The following ADGRL3 variants were observed in gnomAD, a reference collection of about 807,000 sequenced individuals.
The protein encoded by ADGRL3 is adhesion G protein-coupled receptor L3.
ADGRL3 carries 62 observed loss-of-function variants against 153.5 expected under a neutral mutation model. The ratio of observed to expected loss-of-function variants is 0.40; its 90% CI spans 0.33 to 0.50. ADGRL3 has a LOEUF of 0.50. Among genes scored for constraint, ADGRL3 ranks in the 20% least tolerant of loss-of-function variants. The pLI, the probability that ADGRL3 is intolerant of heterozygous loss-of-function variation, is 0.47. For missense variants in ADGRL3, 1,641 were observed against 1,859.4 expected, an observed-to-expected ratio of 0.88 and a Z score of 2.16; for synonymous variants, 710 against 672.5, an observed-to-expected ratio of 1.06 and a Z score of -0.86.
Position 62,070,192 on chromosome 4 carries a change from G to T in ADGRL3, c.3916G>T (p.Ala1306Ser). The change falls in exon 27 of 27, where the codon GCC becomes TCC. Residue 1306 changes from alanine (A) to serine (S), a missense_variant. By Grantham distance (99) the Ala-to-Ser change is moderately conservative. Around this residue, in one of 5 missense-constraint regions of ADGRL3, gnomAD observed 517 missense variants for 555.0 expected, o/e 0.93. Coordinates refer to ENST00000683033, the MANE Select transcript of ADGRL3 (RefSeq NM_001387552.1). ...TAACCATGGCAATAGTTACAGCATT[G>T]CCAGCGGCGAATACCTGAGCAACTG... ...NGNHGNSYSI[A>S]SGEYLSNCVQ... 6.2e-7 allele frequency: 1 copy of T among 1,613,932 alleles called. No homozygotes were observed. The highest frequency in any genetic ancestry group is 8.5e-7 in the Non-Finnish European group (1 of 1,179,960).
intron 5 of ADGRL3, among the ~76,000 whole-genome samples, chr4:61,606,248 G>A (rs1188995382): frequency 6.6e-6 from 1 of 152,184 alleles, no homozygotes; most frequent in African/African-American, 2.4e-5. Context: ...AAGTTAAAGT[G>A]TAAATCAGAG....
chr4:61,395,797 A>G (rs1177956369), intron 2 of ADGRL3, among the ~76,000 whole-genome samples: 3 of 151,998 alleles, frequency 2.0e-5, no homozygotes, highest in Non-Finnish European at 4.4e-5. Flanking sequence ...ACTGGCATGG[A>G]CTTCAATAAA....
intron 1 of ADGRL3, among the ~76,000 whole-genome samples, chr4:61,285,994 C>T (rs1008306610): frequency 1.7e-4 from 26 of 151,392 alleles, no homozygotes; most frequent in Non-Finnish European, 3.4e-4. Flanking sequence ...TTGATTTATT[C>T]TGCTATAAAA....
intron 6 of ADGRL3, among the ~76,000 whole-genome samples, chr4:61,719,007 T>C (rs2096182881): frequency 1.3e-5 from 2 of 152,230 alleles, no homozygotes; most frequent in Admixed American, 1.3e-4. Context: ...AAGCATACTT[T>C]ATGCTGTGTT....
At chr4:61,979,178 A>G (rs1246650181) in intron 17 of ADGRL3, among the ~76,000 whole-genome samples, 1 of 152,220 alleles carries the variant, frequency 6.6e-6, no homozygotes, top group Non-Finnish European at 1.5e-5. Flanking sequence ...AAAATTGTAA[A>G]TAGTATTCCC....
chr4:61,846,318 A>T (rs1410251992), intron 9 of ADGRL3, among the ~76,000 whole-genome samples: 4 of 141,280 alleles, frequency 2.8e-5, no homozygotes, highest in Admixed American at 7.0e-5. Flanking sequence ...CCCTGTCTCT[A>T]AAAAAAAAAA....
At chr4:61,321,139 T>C (rs1225678185) in intron 1 of ADGRL3, among the ~76,000 whole-genome samples, 1 of 152,214 alleles carries the variant, frequency 6.6e-6, no homozygotes, top group Non-Finnish European at 1.5e-5. Context: ...TTCATTTCAT[T>C]TGCAACTTTA....
intron 9 of ADGRL3, among the ~76,000 whole-genome samples, chr4:61,891,806 C>T (rs561360866): frequency 5.6e-4 from 85 of 152,254 alleles, no homozygotes; most frequent in African/African-American, 2.0e-3. Context: ...GACAAGCATA[C>T]TCTTGCATTT....
intron 12 of ADGRL3, among the ~76,000 whole-genome samples, chr4:61,911,855 A>C (rs2098723449): frequency 6.6e-6 from 1 of 152,134 alleles, no homozygotes; most frequent in Non-Finnish European, 1.5e-5. Flanking sequence ...AAAAATTGGA[A>C]AGAAGAGGAA....
intron 2 of ADGRL3, chr4:61,420,522 T>A (rs2097192648): frequency 6.8e-6 from 1 of 147,150 alleles, no homozygotes; most frequent in South Asian, 2.3e-4. Context: ...TTCTCCTGCC[T>A]CAGCCTCCCG....
At chr4:61,403,489 A>G (rs1223418521) in intron 2 of ADGRL3, among the ~76,000 whole-genome samples, 1 of 152,062 alleles carries the variant, frequency 6.6e-6, no homozygotes. Flanking sequence ...CTGGGAGGCC[A>G]TTGCACTGGA....
chr4:61,973,240 C>A (rs2099035807), intron 17 of ADGRL3, among the ~76,000 whole-genome samples: 1 of 151,770 alleles, frequency 6.6e-6, no homozygotes, highest in Non-Finnish European at 1.5e-5. Context: ...AGTCACATTT[C>A]CCTGTTCCAG....
chr4:61,694,176 A>ATTTTTTTTTTTTTTTTTTTTTT lies in ADGRL3; in HGVS notation c.583+17243_583+17244insTTTTTTTTTTTTTTTTTTTTTT, dbSNP rs2095592928. 8.4e-5 allele frequency among the ~76,000 whole-genome samples: 8 copies of ATTTTTTTTTTTTTTTTTTTTTT among 94,702 alleles called. 1 individual carries two copies. Among genetic ancestry groups the ATTTTTTTTTTTTTTTTTTTTTT allele is most frequent in the East Asian group, 2.7e-4 (1 of 3,646 alleles). 62.1% of individuals were successfully genotyped at this position (94,702 alleles called of 152,430 possible). A position where few individuals can be genotyped will look rare whatever the true frequency, so the allele number is the denominator to read the frequency against. ...TCCTATACTATTTTAAAATTTTGTC[A>ATTTTTTTTTTTTTTTTTTTTTT]TTATTTTTTTTTTTTTTTTTTTTTT... On this transcript the variant is annotated intron_variant, in intron 6 of 26. Transcript: ENST00000683033.
rs747899520 is a variant in ADGRL3 at position 61,948,120 on chromosome 4, C to A, written c.2649C>A (p.Asn883Lys). The A allele has an allele frequency of 6.2e-7, 1 of 1,612,476 alleles. No individual in the cohort carries two copies. Among genetic ancestry groups the A allele is most frequent in the Non-Finnish European group, 8.5e-7 (1 of 1,179,120 alleles). ...TGTAGCAGTCAGAGGAAAATTTCAA[C>A]CCTAACTGTTCATTTTGGAGCTACT... The part of the protein sequence containing the change: ...KHIKQSEENF[N>K]PNCSFWSYSK... Residue 883 changes from asparagine (N) to lysine (K), a missense_variant, in exon 17 of 27, where the codon AAC (asparagine) becomes AAA (lysine). This residue lies in a region of ADGRL3 where 734 missense variants were observed against 797.0 expected (regional missense o/e 0.92). Transcript: ENST00000683033.
chr4:61,612,950 T>G (rs2091550946), intron 5 of ADGRL3, among the ~76,000 whole-genome samples: 1 of 152,164 alleles, frequency 6.6e-6, no homozygotes, highest in Non-Finnish European at 1.5e-5. Flanking sequence ...ATCTTAGAGC[T>G]TTTTAAAATC....
At chr4:61,249,263 A>T (rs1259391337) in intron 1 of ADGRL3, among the ~76,000 whole-genome samples, 1 of 152,190 alleles carries the variant, frequency 6.6e-6, no homozygotes, top group Non-Finnish European at 1.5e-5. Context: ...TAACACATTC[A>T]TAAGGATTAA....
At chr4:61,626,435 T>C (rs966831709) in intron 5 of ADGRL3, among the ~76,000 whole-genome samples, 1 of 151,824 alleles carries the variant, frequency 6.6e-6, no homozygotes, top group Non-Finnish European at 1.5e-5. Context: ...TTTTTTTCTC[T>C]TTTGATCTCT....
intron 1 of ADGRL3, among the ~76,000 whole-genome samples, chr4:61,258,133 A>G (rs747008991): frequency 6.6e-6 from 1 of 152,178 alleles, no homozygotes; most frequent in Non-Finnish European, 1.5e-5. Flanking sequence ...CTTGCTTGCT[A>G]GCTCTGAATG....
intron 8 of ADGRL3, among the ~76,000 whole-genome samples, chr4:61,805,177 C>T (rs2097541110): frequency 6.6e-6 from 1 of 151,806 alleles, no homozygotes; most frequent in African/African-American, 2.4e-5. Context: ...CTCCTGACCT[C>T]GTGATCCGCC....
Sources: gnomAD v4.1 joint callset for allele counts (sites outside exome capture counted in the v4.1 genomes callset) on GRCh38, gnomAD v4.1.1 for gene constraint, gnomAD v4.1.1 regional missense constraint, MANE v1.5 for transcripts, NCBI Gene and HGNC (gene_info 2026-07-23, HGNC 2026-07-21) for gene names.